AKAP10: variants seen among roughly 807,000 people sequenced by gnomAD.
AKAP10 encodes A-kinase anchoring protein 10, also known as A-kinase anchor protein 10, mitochondrial.
AKAP10 carries 24 observed loss-of-function variants against 80.8 expected under a neutral mutation model. The observed-to-expected ratio is 0.30, with a 90% CI of 0.22 to 0.42. The LOEUF (loss-of-function observed/expected upper bound fraction) is 0.42, where lower values mean the gene tolerates loss of function less well. Among genes scored for constraint, AKAP10 ranks in the 10% least tolerant of loss-of-function variants. AKAP10 has a pLI of 1.00. For missense variants in AKAP10, 661 were observed against 794.9 expected (o/e 0.83, Z 2.03); for synonymous variants, 291 against 277.7 (o/e 1.05, Z -0.48).
intron 4 of AKAP10, among the ~76,000 whole-genome samples, chr17:19,954,547 CG>C (rs1286484286): frequency 2.7e-5 from 4 of 149,612 alleles, no homozygotes; most frequent in Non-Finnish European, 4.4e-5. Flanking sequence ...TGCAGTGGCG[CG>C]ATCTCGGCTC....
intron 12 of AKAP10, among the ~76,000 whole-genome samples, chr17:19,912,863 A>G (rs1451338904): frequency 6.6e-6 from 1 of 152,196 alleles, no homozygotes. Flanking sequence ...GCCGAACTGT[A>G]AACAAACCAT....
At chr17:19,921,970 C>T (rs1035231075) in intron 11 of AKAP10, among the ~76,000 whole-genome samples, 1 of 152,056 alleles carries the variant, frequency 6.6e-6, no homozygotes, top group African/African-American at 2.4e-5. Context: ...GTACAACGTA[C>T]AGAATGGAGC....
intron 12 of AKAP10, among the ~76,000 whole-genome samples, chr17:19,915,723 G>A (rs1192770611): frequency 6.6e-6 from 1 of 152,066 alleles, no homozygotes; most frequent in Non-Finnish European, 1.5e-5. Context: ...AATACAACCC[G>A]AACTGGACTG....
In AKAP10 at chr17:19,941,912, T is replaced by C; in HGVS notation, c.977-2A>G. 6.2e-7 allele frequency: 1 copy of C among 1,609,378 alleles called. No homozygotes were observed. The highest frequency in any genetic ancestry group is 8.5e-7 in the Non-Finnish European group (1 of 1,177,892). ...GTCCATCTTCTCCACAAATCCTTGCTGCAAAAGAAGTTGTAAATAATTAAA... is the reference window on the plus strand; with the variant it reads ...GTCCATCTTCTCCACAAATCCTTGCCGCAAAAGAAGTTGTAAATAATTAAA... On this transcript the variant is annotated splice_acceptor_variant, in intron 5 of 14. Coordinates refer to ENST00000225737, the MANE Select transcript of AKAP10 (RefSeq NM_007202.4). LOFTEE classifies it high-confidence loss of function.
At chr17:19,933,921 TATTATA>T (rs1409944245) in intron 9 of AKAP10, among the ~76,000 whole-genome samples, 2 of 152,140 alleles carry the variant, frequency 1.3e-5, no homozygotes, top group East Asian at 1.9e-4. Context: ...TTTATTTATT[TATTATA>T]ATTATATTTT....
At position 19,958,095 on chromosome 17, in the gene AKAP10, C is replaced by G. The variant is rs774690776; in HGVS notation, c.796G>C (p.Glu266Gln). The G allele has an allele frequency of 6.2e-7, 1 of 1,614,010 alleles. No homozygotes were observed. The highest frequency in any genetic ancestry group is 8.5e-7 in the Non-Finnish European group (1 of 1,180,030). ...GCTACTGTAAGTGTAGAGGAAGATT[C>G]TTGGGTTTCCATGGAAACTTGGTGA... ...GTHQVSMETQ[E>Q]SSSTLTVASR... Residue 266 changes from glutamate to glutamine, a missense_variant, in exon 4 of 15, where the codon GAA (glutamate) becomes CAA (glutamine). Glu to Gln is a conservative substitution (Grantham distance 29). Transcript: ENST00000225737.
At chr17:19,912,845 G>A (rs979193058) in intron 12 of AKAP10, among the ~76,000 whole-genome samples, 1 of 152,184 alleles carries the variant, frequency 6.6e-6, no homozygotes, top group Non-Finnish European at 1.5e-5. Context: ...AAAGGCAGAG[G>A]AAGGGGAGCC....
chr17:19,947,528 CA>C lies in AKAP10; in HGVS notation c.878-24del, dbSNP rs747335389. The C allele has an allele frequency of 5.2e-6, 8 of 1,549,184 alleles. No homozygotes were observed. The African/African-American group carries it at 6.8e-5, about 13-fold the overall frequency. ...TACCTGCAAGGGAAGAAGAGAACTT[CA>C]AAAACCAAAAAGCAACTTGGACTCC... is the stretch of plus-strand genomic sequence containing the variant. On this transcript the variant is annotated intron_variant, in intron 4 of 14. Transcript: ENST00000225737.
chr17:19,919,028 T>C, intron 12 of AKAP10, among the ~76,000 whole-genome samples: 1 of 151,532 alleles, frequency 6.6e-6, no homozygotes, highest in East Asian at 1.9e-4. Context: ...CTGCACCCAT[T>C]AACTCGTCAT....
In AKAP10 at chr17:19,958,180, C is replaced by T; in HGVS notation, c.711G>A (p.Leu237=). The change falls in exon 4 of 15, where the codon CTG becomes CTA. Residue 237 remains leucine, a synonymous_variant. Coordinates refer to ENST00000225737, the MANE Select transcript of AKAP10 (RefSeq NM_007202.4). The part of the protein sequence containing the change: ...NRTNSTQNHL[L]LSQECDSAHS... ...GGGCACTGTCACATTCCTGGGAAAG[C>T]AGCAAGTGATTCTGAGTGCTGTTAG... 6.2e-7 allele frequency: 1 copy of T among 1,614,200 alleles called. No individual in the cohort carries two copies. Among genetic ancestry groups the T allele is most frequent in the Non-Finnish European group, 8.5e-7 (1 of 1,180,050 alleles).
At chr17:19,937,791 T>C (rs998231819) in intron 8 of AKAP10, among the ~76,000 whole-genome samples, 3 of 152,224 alleles carry the variant, frequency 2.0e-5, no homozygotes, top group Non-Finnish European at 4.4e-5. Context: ...ACTTGTTCTG[T>C]GACTTTGAGA....
intron 9 of AKAP10, among the ~76,000 whole-genome samples, chr17:19,934,841 T>C (rs182001400): frequency 5.8e-4 from 88 of 152,232 alleles, no homozygotes; most frequent in Non-Finnish European, 8.7e-4. Context: ...GGTGAAACCC[T>C]GTCTCTACTA....
At chr17:19,954,431 T>C (rs1177917522) in intron 4 of AKAP10, among the ~76,000 whole-genome samples, 1 of 151,120 alleles carries the variant, frequency 6.6e-6, no homozygotes, top group African/African-American at 2.4e-5. Flanking sequence ...CTCATACTTA[T>C]ACGACATTAA....
At chr17:19,973,551 C>G (rs553005320) in intron 1 of AKAP10, among the ~76,000 whole-genome samples, 14 of 152,186 alleles carry the variant, frequency 9.2e-5, no homozygotes, top group Non-Finnish European at 1.9e-4. Context: ...TCCCAATATA[C>G]CTGGGTCTGT....
At chr17:19,949,760 C>T (rs1242814886) in intron 4 of AKAP10, among the ~76,000 whole-genome samples, 3 of 138,008 alleles carry the variant, frequency 2.2e-5, no homozygotes, top group African/African-American at 8.4e-5. Context: ...GAAAGAGAGA[C>T]TCTGTCTCAA....
At chr17:19,921,058 A>G (rs1340350420) in intron 11 of AKAP10, among the ~76,000 whole-genome samples, 1 of 151,754 alleles carries the variant, frequency 6.6e-6, no homozygotes, top group Non-Finnish European at 1.5e-5. Context: ...TGTGAAAAAG[A>G]GATGAACAGT....
intron 1 of AKAP10, among the ~76,000 whole-genome samples, chr17:19,969,623 T>C (rs887960505): frequency 2.1e-4 from 32 of 152,084 alleles, no homozygotes; most frequent in Non-Finnish European, 4.3e-4. Flanking sequence ...TCTGTATTTG[T>C]GCTCTTAAAC....
chr17:19,959,326 A>G (rs755966190), intron 3 of AKAP10, among the ~76,000 whole-genome samples: 1 of 152,216 alleles, frequency 6.6e-6, no homozygotes, highest in Non-Finnish European at 1.5e-5. Context: ...AGCAGTAACA[A>G]GGGCACAGGA....
intron 4 of AKAP10, among the ~76,000 whole-genome samples, chr17:19,957,270 G>A (rs1384061295): frequency 2.0e-5 from 3 of 152,014 alleles, no homozygotes; most frequent in African/African-American, 4.8e-5. Context: ...GTCCGGGCGC[G>A]GTGGCTCATG....
Sources: allele counts gnomAD v4.1 joint callset (sites outside exome capture counted in the v4.1 genomes callset), GRCh38; gene constraint gnomAD v4.1.1; transcripts MANE v1.5; gene names NCBI Gene and HGNC (gene_info 2026-07-23, HGNC 2026-07-21).